The following DNM1L variants were observed in gnomAD, a reference collection of about 807,000 sequenced individuals.
The protein encoded by DNM1L is dynamin 1L.
A neutral mutation model predicts 92.8 loss-of-function variants in DNM1L; 33 were observed. That is an observed-to-expected ratio of 0.36 (90% CI 0.27 to 0.48). The LOEUF (loss-of-function observed/expected upper bound fraction) is 0.48. DNM1L is among the 20% of genes least tolerant of loss of function. The pLI is 0.99. For synonymous variants in DNM1L, 284 were observed against 305.0 expected (o/e 0.93, Z 0.72); for missense variants, 485 against 888.8 (o/e 0.55, Z 5.78).
intron 3 of DNM1L, 35 bp from the exon 4 acceptor site, chr12:32,708,118 T>C (rs747576103): frequency 6.9e-6 from 9 of 1,310,570 alleles, no homozygotes; most frequent in Non-Finnish European, 9.9e-6. Context: ...GATCTTATTT[T>C]GAATATTATG....
At chr12:32,735,851 T>TG (rs1954832548) in intron 13 of DNM1L, among the ~76,000 whole-genome samples, 1 of 151,978 alleles carries the variant, frequency 6.6e-6, no homozygotes, top group Non-Finnish European at 1.5e-5. Context: ...CACTCCAGCC[T>TG]GGGCGACAGA....
chr12:32,706,757 G>T (rs11052194), intron 2 of DNM1L: 24,380 of 452,766 alleles, frequency 0.054, 821 homozygotes, highest in Middle Eastern at 0.093. Flanking sequence ...TTACAAAGCA[G>T]CTAGCTCTAT....
chr12:32,708,238 T>C lies in DNM1L; in HGVS notation c.369+14T>C, dbSNP rs1477058441. On this transcript the variant is annotated intron_variant, in intron 4 of 19. Coordinates refer to ENST00000549701, the MANE Select transcript of DNM1L (RefSeq NM_012062.5). The stretch of plus-strand genomic sequence containing the variant: ...GGAAATAATAAGGTAGGCATCTTTT[T>C]AGAGCTAGAAGGCATAAGCATCAGT... 2.7e-6 allele frequency: 4 copies of C among 1,499,834 alleles called. No homozygotes were observed. The Admixed American group carries it at 6.7e-5, about 25-fold the overall frequency. 92.9% of individuals were successfully genotyped at this position (1,499,834 alleles called of 1,614,324 possible).
chr12:32,712,649 CAAAAAAA>C (rs59906286), intron 5 of DNM1L, among the ~76,000 whole-genome samples: 64 of 29,784 alleles, frequency 2.1e-3, no homozygotes, highest in African/African-American at 5.1e-3. Context: ...GACCCTGTCT[CAAAAAAA>C]AAAAAAAAAA....
chr12:32,715,108 T>C (rs1953304898), intron 6 of DNM1L, among the ~76,000 whole-genome samples: 1 of 151,456 alleles, frequency 6.6e-6, no homozygotes, highest in Non-Finnish European at 1.5e-5. Context: ...TTTTTTTTTT[T>C]TGGATGTAGG....
chr12:32,717,391 G>C (rs182493332), intron 6 of DNM1L, among the ~76,000 whole-genome samples: 2,832 of 56,772 alleles, frequency 0.05, 300 homozygotes, highest in African/African-American at 0.2. Context: ...ATAATATATA[G>C]TATATATAAT....
intron 13 of DNM1L, among the ~76,000 whole-genome samples, chr12:32,735,295 C>T (rs78364946): frequency 0.01 from 1,524 of 152,160 alleles, 32 homozygotes; most frequent in African/African-American, 0.034. Flanking sequence ...ACTAGGGCTT[C>T]AAAATAGTTG....
intron 6 of DNM1L, among the ~76,000 whole-genome samples, chr12:32,714,552 G>A (rs1211610082): frequency 6.6e-6 from 1 of 152,008 alleles, no homozygotes; most frequent in Admixed American, 6.6e-5. Context: ...GATTACAGGT[G>A]TGAGCCACCG....
chr12:32,727,529 GA>G (rs199953324), intron 9 of DNM1L: 183 of 396,478 alleles, frequency 4.6e-4, no homozygotes, highest in African/African-American at 3.2e-3. Flanking sequence ...TCTGAAAATG[GA>G]AAAAAAAACC....
chr12:32,730,774 A>G (rs1954507160), intron 9 of DNM1L, among the ~76,000 whole-genome samples: 1 of 152,224 alleles, frequency 6.6e-6, no homozygotes, highest in Admixed American at 6.5e-5. Context: ...GATTTATGTC[A>G]GAACATTTAT....
chr12:32,718,908 G>C, intron 7 of DNM1L, 145 bp downstream of exon 7: 1 of 1,224,470 alleles, frequency 8.2e-7, no homozygotes, highest in Non-Finnish European at 1.2e-6. Flanking sequence ...TTATGATCTT[G>C]GTATTGCTAA....
intron 1 of DNM1L, among the ~76,000 whole-genome samples, chr12:32,696,048 C>T (rs1263586725): frequency 2.0e-5 from 3 of 151,758 alleles, no homozygotes; most frequent in African/African-American, 4.8e-5. Context: ...CTAAAAATTA[C>T]AATACAAGAC....
At chr12:32,743,235 A>AGTTAT in intron 19 of DNM1L, 119 bp from the exon 20 acceptor site, 1 of 840,854 alleles carries the variant, frequency 1.2e-6, no homozygotes, top group Non-Finnish European at 1.9e-6. Context: ...GATATTGGTT[A>AGTTAT]GTATAAACTG....
At chr12:32,738,040 G>T in intron 15 of DNM1L, 98 bp downstream of exon 15, 1 of 1,351,676 alleles carries the variant, frequency 7.4e-7, no homozygotes, top group Non-Finnish European at 1.1e-6. Context: ...ATTAATATGG[G>T]ATACTGTGCT....
intron 16 of DNM1L, 58 bp from the exon 17 acceptor site, chr12:32,740,006 T>A: frequency 1.9e-6 from 3 of 1,609,150 alleles, no homozygotes; most frequent in Non-Finnish European, 2.6e-6. Flanking sequence ...AAATGAACTT[T>A]GTTTTAGTTA....
chr12:32,679,345 G>C lies in DNM1L; in HGVS notation c.-19G>C. ...ATTGCCGTGGCCGGCGGGCACTGGGGCCCCGTGTTTTCAGAGTCATGGAGG... is the reference window on the plus strand; with the variant it reads ...ATTGCCGTGGCCGGCGGGCACTGGGCCCCCGTGTTTTCAGAGTCATGGAGG... On this transcript the variant is annotated 5_prime_UTR_variant, in exon 1 of 20. Coordinates refer to ENST00000549701, the MANE Select transcript of DNM1L (RefSeq NM_012062.5). 1.3e-6 allele frequency: 2 copies of C among 1,596,370 alleles called. No homozygotes were observed. The highest frequency in any genetic ancestry group is 2.2e-5 in the South Asian group (2 of 90,328).
intron 1 of DNM1L, among the ~76,000 whole-genome samples, chr12:32,700,615 CGTGCCTGTA>C (rs1952664336): frequency 6.6e-6 from 1 of 151,928 alleles, no homozygotes; most frequent in Admixed American, 6.6e-5. Flanking sequence ...TATAGTAGCG[CGTGCCTGTA>C]GTCTCAGCTA....
intron 14 of DNM1L, chr12:32,737,424 TCA>T (rs1286080887): frequency 2.2e-6 from 1 of 458,376 alleles, no homozygotes; most frequent in African/African-American, 2.0e-5. Context: ...TTAAAAAAAT[TCA>T]GTCAGTGACT....
chr12:32,707,562 AAC>A, intron 3 of DNM1L, 149 bp downstream of exon 3: 6 of 591,756 alleles, frequency 1.0e-5, no homozygotes, highest in Non-Finnish European at 1.6e-5. Flanking sequence ...TAACATTTCT[AAC>A]CACAATTGTT....
Sources: allele counts gnomAD v4.1 joint callset (sites outside exome capture counted in the v4.1 genomes callset), GRCh38; gene constraint gnomAD v4.1.1; transcripts MANE v1.5; gene names NCBI Gene and HGNC (gene_info 2026-07-23, HGNC 2026-07-21).